Variants in DOCK9 observed in about 807,000 individuals in gnomAD.
DOCK9 encodes dedicator of cytokinesis 9.
In DOCK9, 89 loss-of-function variants were observed where a neutral mutation model predicts 263.3. That is an observed-to-expected ratio of 0.34 (90% CI 0.28 to 0.40). DOCK9 has a LOEUF of 0.40. DOCK9 is among the 10% of genes least tolerant of loss of function. The probability of loss-of-function intolerance (pLI) is 1.00; values close to 1 mark genes in which losing one functional copy is unlikely to be tolerated. For synonymous variants in DOCK9, 976 were observed against 973.1 expected (o/e 1.00, Z -0.06); for missense variants, 2,140 against 2,603.4 (o/e 0.82, Z 3.87).
intron 22 of DOCK9, 113 bp downstream of exon 22, chr13:98,883,700 T>A (rs2045213235): frequency 1.6e-6 from 1 of 627,432 alleles, no homozygotes. Flanking sequence ...TAGAAAAAGA[T>A]CTATAGAGTA....
At chr13:99,088,257 A>G (rs1252499478), upstream of DOCK9, 1 of 152,284 alleles carries the variant, frequency 6.6e-6, no homozygotes, top group Non-Finnish European at 1.5e-5. Context: ...TCCTCCGTGA[A>G]ATGAGGGAAT....
intron 19 of DOCK9, 81 bp downstream of exon 19, chr13:98,886,451 A>C (rs2045702837): frequency 1.8e-6 from 2 of 1,136,706 alleles, no homozygotes; most frequent in Non-Finnish European, 1.3e-6. Flanking sequence ...GCTTCTCTTG[A>C]ATTTTCCTTT....
Position 98,977,776 on chromosome 13 carries a change from C to T in DOCK9, c.126+8G>A. The T allele has an allele frequency of 1.2e-6, 2 of 1,611,528 alleles. No individual in the cohort carries two copies. The highest frequency in any genetic ancestry group is 1.7e-6 in the Non-Finnish European group (2 of 1,179,052). ...GACACAGCAACACTTTGTACGAGAC[C>T]CTCTTACCGGCACAGGGCCCGGGCT... is the stretch of plus-strand genomic sequence containing the variant. On this transcript the variant is annotated splice_region_variant and intron_variant, in intron 1 of 52. Coordinates refer to ENST00000682017, the MANE Select transcript of DOCK9 (RefSeq NM_001366683.2).
chr13:98,912,413 C>A lies in DOCK9; in HGVS notation c.960+1915G>T, dbSNP rs113824977. On this transcript the variant is annotated intron_variant, in intron 9 of 52. Coordinates refer to ENST00000682017, the MANE Select transcript of DOCK9 (RefSeq NM_001366683.2). The stretch of plus-strand genomic sequence containing the variant: ...GAGCATTCTGCTATTGCAAATTATA[C>A]CTCAATAAAAAGAATAAAAAACTAA... Among the ~76,000 whole-genome samples, 578 of 152,144 alleles carry A rather than the reference C, an allele frequency of 3.8e-3. 1 individual carries two copies. Among genetic ancestry groups the A allele is most frequent in the African/African-American group, 0.013 (537 of 41,492 alleles).
chr13:98,829,502 A>T lies in DOCK9; in HGVS notation c.4770T>A (p.Asp1590Glu). The change falls in exon 43 of 53, where the codon GAT becomes GAA. Residue 1590 changes from aspartate (D) to glutamate (E), a missense_variant. Physicochemically the swap from Asp to Glu is conservative, Grantham distance 45 (BLOSUM62 2). Transcript: ENST00000682017. This position sits in a 1 kb window ranked among gnomAD's most constrained non-coding sequence, Gnocchi z 4.1. Reference sequence around the variant, plus strand: ...GTATCCTTTTGGTTAAGTCCTTCACATCAGAGGAGAAGCTGGTGTGCTAAA... The same window carrying T: ...GTATCCTTTTGGTTAAGTCCTTCACTTCAGAGGAGAAGCTGGTGTGCTAAA... ...RLIKHTSFSS[D>E]VKDLTKRIRT... is the part of the protein sequence containing the mutation. 1 of 1,613,514 alleles carries T rather than the reference A, an allele frequency of 6.2e-7. No homozygotes were observed. Among genetic ancestry groups the T allele is most frequent in the Non-Finnish European group, 8.5e-7 (1 of 1,179,710 alleles).
At chr13:99,058,364 G>GT (rs1231721690) in intron 1 of DOCK9, among the ~76,000 whole-genome samples, 1 of 152,028 alleles carries the variant, frequency 6.6e-6, no homozygotes, top group Non-Finnish European at 1.5e-5. Flanking sequence ...GTTTCACCAT[G>GT]TTGGCCAGCC....
In DOCK9 at chr13:98,882,935, TC is replaced by T. The variant is rs1326784664; in HGVS notation, c.2559+106del. 15 of 867,096 alleles carry T rather than the reference TC, an allele frequency of 1.7e-5. No homozygotes were observed. The Admixed American group carries it at 3.7e-4, about 21-fold the overall frequency. The allele number at this position is 867,096 out of a possible 1,614,324, so 53.7% of individuals were successfully genotyped here. A position where few individuals can be genotyped will look rare whatever the true frequency, so the allele number is the denominator to read the frequency against. On this transcript the variant is annotated intron_variant, in intron 23 of 52. Coordinates refer to ENST00000682017, the MANE Select transcript of DOCK9 (RefSeq NM_001366683.2). ...TCATAGAAGCTACTGATGTGAGACATCCAGGTAAGAGCTTCCAAGGGGTGAG... is the reference window on the plus strand; with the variant it reads ...TCATAGAAGCTACTGATGTGAGACATCAGGTAAGAGCTTCCAAGGGGTGAG...
At chr13:98,828,475 C>T (rs118007601) in intron 43 of DOCK9, among the ~76,000 whole-genome samples, 5,178 of 152,180 alleles carry the variant, frequency 0.034, 126 homozygotes, top group Middle Eastern at 0.085. Context: ...AAAACTGTCA[C>T]GTTAATGTGT....
intron 41 of DOCK9, among the ~76,000 whole-genome samples, chr13:98,830,437 C>T (rs575375104): frequency 6.6e-6 from 1 of 150,402 alleles, no homozygotes; most frequent in East Asian, 1.9e-4. Context: ...ACCCTTGACC[C>T]ATCATCAACA....
intron 1 of DOCK9, among the ~76,000 whole-genome samples, chr13:99,083,029 C>T (rs2042189554): frequency 6.6e-6 from 1 of 152,090 alleles, no homozygotes; most frequent in South Asian, 2.1e-4. Flanking sequence ...CCGAGGCAGG[C>T]AGATCACCTG....
At chr13:98,925,631 CAT>C (rs1566981846) in intron 4 of DOCK9, among the ~76,000 whole-genome samples, 2 of 152,218 alleles carry the variant, frequency 1.3e-5, no homozygotes, top group African/African-American at 4.8e-5. Context: ...AAACCATCCA[CAT>C]GTTTATTACT....
chr13:98,809,903 T>C (rs1451762333), intron 46 of DOCK9, among the ~76,000 whole-genome samples: 2 of 152,170 alleles, frequency 1.3e-5, no homozygotes, highest in Non-Finnish European at 2.9e-5. Flanking sequence ...ACTCTGTTCA[T>C]GGCAGCCTTT....
intron 39 of DOCK9, chr13:98,834,281 A>C (rs1354463022): frequency 1.3e-5 from 2 of 152,218 alleles, no homozygotes; most frequent in Non-Finnish European, 2.9e-5. Context: ...TTAATTTAAG[A>C]CGGCAAACTC....
At chr13:98,859,464 A>C (rs1328017324) in intron 33 of DOCK9, 1 of 152,102 alleles carries the variant, frequency 6.6e-6, no homozygotes, top group Non-Finnish European at 1.5e-5. Context: ...AATTCTACCC[A>C]GTTTCATCCC....
intron 13 of DOCK9, among the ~76,000 whole-genome samples, chr13:98,898,534 C>T (rs775382459): frequency 2.0e-5 from 3 of 152,194 alleles, no homozygotes; most frequent in Non-Finnish European, 4.4e-5. Context: ...AACAAACATG[C>T]TGTTTCAGAG....
At chr13:99,024,287 G>C (rs1418906365) in intron 1 of DOCK9, among the ~76,000 whole-genome samples, 1 of 152,152 alleles carries the variant, frequency 6.6e-6, no homozygotes, top group Non-Finnish European at 1.5e-5. Context: ...GAAGAACAAG[G>C]AAGCAGGACA....
chr13:98,937,841 T>C (rs531685173), intron 2 of DOCK9, among the ~76,000 whole-genome samples: 77 of 152,214 alleles, frequency 5.1e-4, no homozygotes, highest in Non-Finnish European at 1.5e-5. Flanking sequence ...CCTTTTTACT[T>C]AAAAAAAGAA....
intron 1 of DOCK9, among the ~76,000 whole-genome samples, chr13:99,056,409 C>A (rs1303736591): frequency 1.3e-5 from 2 of 151,730 alleles, no homozygotes; most frequent in Admixed American, 1.3e-4. Flanking sequence ...ACTAAATATG[C>A]AAAAGTATTA....
intron 2 of DOCK9, among the ~76,000 whole-genome samples, chr13:98,940,143 C>T (rs896698931): frequency 6.6e-6 from 1 of 152,214 alleles, no homozygotes; most frequent in Non-Finnish European, 1.5e-5. Context: ...CTAAAATTTA[C>T]ACAGGGCGTT....
Sources: allele counts gnomAD v4.1 joint callset (sites outside exome capture counted in the v4.1 genomes callset), GRCh38; gene constraint gnomAD v4.1.1; non-coding constraint Gnocchi (gnomAD v3.1); transcripts MANE v1.5; gene names NCBI Gene and HGNC (gene_info 2026-07-23, HGNC 2026-07-21).